HECA: variants seen among roughly 807,000 people sequenced by gnomAD.
The protein encoded by HECA is headcase protein homolog.
Under a neutral mutation model 37.6 loss-of-function variants are expected in HECA, and 13 were observed. That is an observed-to-expected ratio of 0.35 (90% confidence interval 0.23 to 0.55). The LOEUF is 0.55. Ranked by LOEUF, HECA falls within the 20% of genes least tolerant of loss-of-function variation. The pLI is 0.90. For synonymous variants in HECA, 307 were observed against 291.5 expected (o/e 1.05, Z -0.54); for missense variants, 527 against 701.9 (o/e 0.75, Z 2.82).
chr6:139,151,982 G>T (rs917816063), intron 1 of HECA, among the ~76,000 whole-genome samples: 1 of 152,158 alleles, frequency 6.6e-6, no homozygotes, highest in African/African-American at 2.4e-5. Context: ...GCCTTCCTGT[G>T]CTCAGAAAGA....
chr6:139,165,079 A>T (rs1774864412), intron 1 of HECA, among the ~76,000 whole-genome samples: 1 of 152,194 alleles, frequency 6.6e-6, no homozygotes. Flanking sequence ...ACTCTTTATA[A>T]GCATTTCTTA....
intron 1 of HECA, among the ~76,000 whole-genome samples, chr6:139,156,627 G>A (rs1316329613): frequency 6.6e-6 from 1 of 152,210 alleles, no homozygotes. Flanking sequence ...ATGACATGCT[G>A]TTAATTTATG....
chr6:139,177,953 ATCTT>A lies in HECA; in HGVS notation c.*851_*854del, dbSNP rs1323614312. Reference sequence around the variant, plus strand: ...GGTGTCAGGTTCTTCTCACAGGTAAATCTTTCAGCCACAGAATCTAACTGGTGAG... The same window carrying A: ...GGTGTCAGGTTCTTCTCACAGGTAAATCAGCCACAGAATCTAACTGGTGAG... On this transcript the variant is annotated 3_prime_UTR_variant, in exon 4 of 4. Coordinates refer to ENST00000367658, the MANE Select transcript of HECA (RefSeq NM_016217.3). This position sits in a 1 kb window ranked among gnomAD's most constrained non-coding sequence, Gnocchi z 4.9. The A allele has an allele frequency of 5.9e-5, 9 of 152,172 alleles. No homozygotes were observed. The highest frequency in any genetic ancestry group is 2.2e-4 in the African/African-American group (9 of 41,442). The allele number at this position is 152,172 out of a possible 1,614,324, so 9.4% of individuals were successfully genotyped here.
chr6:139,148,901 C>T (rs977208709), intron 1 of HECA, among the ~76,000 whole-genome samples: 1 of 152,070 alleles, frequency 6.6e-6, no homozygotes, highest in Non-Finnish European at 1.5e-5. Context: ...TTTCTAAAAT[C>T]CCTTGTAGTT....
intron 1 of HECA, among the ~76,000 whole-genome samples, chr6:139,137,545 A>G (rs748296223): frequency 5.3e-5 from 8 of 152,202 alleles, no homozygotes; most frequent in African/African-American, 7.2e-5. Context: ...AGCGGTAATC[A>G]AGACGAGACA....
chr6:139,136,827 G>C (rs1774453500), intron 1 of HECA, among the ~76,000 whole-genome samples: 1 of 151,966 alleles, frequency 6.6e-6, no homozygotes, highest in Non-Finnish European at 1.5e-5. Flanking sequence ...GTAGAGACAG[G>C]GTTTCACCAT....
chr6:139,141,446 T>C (rs1562242225), intron 1 of HECA, among the ~76,000 whole-genome samples: 1 of 152,246 alleles, frequency 6.6e-6, no homozygotes, highest in Non-Finnish European at 1.5e-5. Context: ...CATTCCACTA[T>C]TGTTTACCTT....
At chr6:139,172,558 CAT>C (rs1222163913) in intron 2 of HECA, among the ~76,000 whole-genome samples, 1 of 152,196 alleles carries the variant, frequency 6.6e-6, no homozygotes, top group African/African-American at 2.4e-5. Flanking sequence ...CTTTGAACCA[CAT>C]GTGATTGTTC....
intron 1 of HECA, among the ~76,000 whole-genome samples, chr6:139,140,045 GA>G (rs1366428542): frequency 6.6e-6 from 1 of 152,164 alleles, no homozygotes; most frequent in African/African-American, 2.4e-5. Context: ...TTGACAAGTA[GA>G]TTTTTTTTGG....
chr6:139,148,242 C>T (rs891007229), intron 1 of HECA, among the ~76,000 whole-genome samples: 1 of 152,078 alleles, frequency 6.6e-6, no homozygotes, highest in Non-Finnish European at 1.5e-5. Context: ...GTTGTCTTTG[C>T]TGGTTAGAAA....
At chr6:139,152,338 A>G (rs1023834547) in intron 1 of HECA, among the ~76,000 whole-genome samples, 4 of 152,044 alleles carry the variant, frequency 2.6e-5, no homozygotes, top group African/African-American at 9.7e-5. Context: ...AAAGTAAGAA[A>G]AGGGTGGGTC....
Position 139,180,032 on chromosome 6 carries a change from T to C in HECA, c.*2927T>C, listed in dbSNP as rs1775112820. 1 of 152,202 alleles carries C rather than the reference T, an allele frequency of 6.6e-6. No individual in the cohort carries two copies. Among genetic ancestry groups the C allele is most frequent in the African/African-American group, 2.4e-5 (1 of 41,456 alleles). The allele number at this position is 152,202 out of a possible 1,614,324, so 9.4% of individuals were successfully genotyped here. On this transcript the variant is annotated 3_prime_UTR_variant, in exon 4 of 4. Transcript: ENST00000367658. ...TTCAGGCCATCTCACCTCTTCATTC[T>C]CTTGTTACATTTGAAGCAGTTGATA...
chr6:139,135,995 G>GGAAGGGAGGAAA (rs1313893772), intron 1 of HECA, among the ~76,000 whole-genome samples: 38 of 152,000 alleles, frequency 2.5e-4, no homozygotes, highest in African/African-American at 8.0e-4. Flanking sequence ...AAGGGAGGAA[G>GGAAGGGAGGAAA]GAAGGGAGGA....
At chr6:139,164,032 C>T (rs531717561) in intron 1 of HECA, among the ~76,000 whole-genome samples, 2 of 151,408 alleles carry the variant, frequency 1.3e-5, no homozygotes, top group South Asian at 4.2e-4. Context: ...ACATTGCTGT[C>T]CGTCAGCATG....
At chr6:139,169,457 G>A (rs977028936) in intron 2 of HECA, 2 of 152,072 alleles carry the variant, frequency 1.3e-5, no homozygotes, top group Non-Finnish European at 2.9e-5. Context: ...GTAATTTCTT[G>A]TGCTACCTTT....
At position 139,135,384 on chromosome 6, in the gene HECA, G is replaced by A; in HGVS notation, c.-13G>A. The stretch of plus-strand genomic sequence containing the variant: ...GCTGACGCCGGGCACCTACCTGGAC[G>A]CGAGCGAGCGAGATGCCCAACCCCA... On this transcript the variant is annotated 5_prime_UTR_variant, in exon 1 of 4. Transcript: ENST00000367658. 4 of 1,365,222 alleles carry A rather than the reference G, an allele frequency of 2.9e-6. No homozygotes were observed. The highest frequency in any genetic ancestry group is 3.9e-6 in the Non-Finnish European group (4 of 1,036,000). 84.6% of individuals were successfully genotyped at this position (1,365,222 alleles called of 1,614,324 possible). A position where few individuals can be genotyped will look rare whatever the true frequency, so the allele number is the denominator to read the frequency against.
chr6:139,147,116 C>T (rs1244052519), intron 1 of HECA, among the ~76,000 whole-genome samples: 1 of 152,184 alleles, frequency 6.6e-6, no homozygotes, highest in Non-Finnish European at 1.5e-5. Context: ...AGATGGCCTT[C>T]CCTTCTTGCA....
chr6:139,137,575 T>TGAA (rs998601022), intron 1 of HECA, among the ~76,000 whole-genome samples: 5 of 151,332 alleles, frequency 3.3e-5, no homozygotes, highest in African/African-American at 1.2e-4. Flanking sequence ...TCAGGGAGCT[T>TGAA]GCATTCCTGT....
At chr6:139,174,915 A>G (rs1775030151) in intron 3 of HECA, among the ~76,000 whole-genome samples, 1 of 152,182 alleles carries the variant, frequency 6.6e-6, no homozygotes, top group African/African-American at 2.4e-5. Flanking sequence ...TATATTTTCT[A>G]AGATTCTGTA....
Sources: allele counts gnomAD v4.1 joint callset (sites outside exome capture counted in the v4.1 genomes callset), GRCh38; gene constraint gnomAD v4.1.1; non-coding constraint Gnocchi (gnomAD v3.1); transcripts MANE v1.5; gene names NCBI Gene and HGNC (gene_info 2026-07-23, HGNC 2026-07-21).